The following SV2C variants were observed in gnomAD, a reference collection of about 807,000 sequenced individuals.
SV2C encodes the protein solute carrier family 22 member B3.
In SV2C, 49 loss-of-function variants were observed where a neutral mutation model predicts 79.7. That is an observed-to-expected ratio of 0.61 (90% CI 0.49 to 0.78). The LOEUF is 0.78. SV2C is among the 30% of genes least tolerant of loss of function. The probability of loss-of-function intolerance (pLI) is 0.00; values close to 1 mark genes in which losing one functional copy is unlikely to be tolerated. For synonymous variants in SV2C, 334 were observed against 333.2 expected, an observed-to-expected ratio of 1.00 and a Z score of -0.03; for missense variants, 833 against 912.9, an observed-to-expected ratio of 0.91 and a Z score of 1.13.
At chr5:76,251,123 A>C (rs1448983240) in intron 4 of SV2C, among the ~76,000 whole-genome samples, 1 of 152,162 alleles carries the variant, frequency 6.6e-6, no homozygotes, top group Admixed American at 6.5e-5. Context: ...TATGTCATGC[A>C]TTATTATTCA....
the SV2C span, among the ~76,000 whole-genome samples, chr5:75,873,810 A>G: frequency 6.6e-6 from 1 of 152,182 alleles, no homozygotes; most frequent in Non-Finnish European, 1.5e-5. Flanking sequence ...GAAGAAAGAG[A>G]CGGACAAATT....
intron 1 of SV2C, among the ~76,000 whole-genome samples, chr5:76,085,162 C>T (rs1202835707): frequency 2.0e-5 from 3 of 152,156 alleles, no homozygotes; most frequent in South Asian, 4.1e-4. Flanking sequence ...TGGCAAGTTC[C>T]GAAAGGCCTC....
At chr5:76,030,766 AAAAAAGAAAG>A in the SV2C span, among the ~76,000 whole-genome samples, 1 of 152,026 alleles carries the variant, frequency 6.6e-6, no homozygotes, top group Admixed American at 6.6e-5. Context: ...TGTCTCAAAA[AAAAAAGAAAG>A]AAAAAGAAAA....
At chr5:76,126,485 C>A (rs1423252540) in intron 1 of SV2C, among the ~76,000 whole-genome samples, 1 of 152,114 alleles carries the variant, frequency 6.6e-6, no homozygotes, top group Non-Finnish European at 1.5e-5. Flanking sequence ...CCTCTCAACC[C>A]CACCCCACTC....
chr5:76,017,040 T>A, the SV2C span, among the ~76,000 whole-genome samples: 1 of 152,234 alleles, frequency 6.6e-6, no homozygotes, highest in Non-Finnish European at 1.5e-5. Context: ...ATATTTTACT[T>A]GATTATAAAT....
At chr5:76,312,159 C>T (rs2972847) in intron 12 of SV2C, among the ~76,000 whole-genome samples, 14,126 of 151,458 alleles carry the variant, frequency 0.093, 712 homozygotes, top group Admixed American at 0.14. Context: ...CTTTATGTTT[C>T]TCTGCGTCCA....
intron 2 of SV2C, among the ~76,000 whole-genome samples, chr5:76,163,551 T>C (rs1742958934): frequency 6.6e-6 from 1 of 152,100 alleles, no homozygotes; most frequent in Non-Finnish European, 1.5e-5. Context: ...CCACCTGTAC[T>C]GGTGCCATGT....
intron 2 of SV2C, among the ~76,000 whole-genome samples, chr5:76,184,946 C>T (rs558067081): frequency 6.6e-6 from 1 of 152,160 alleles, no homozygotes; most frequent in African/African-American, 2.4e-5. Context: ...TGAGACAAGG[C>T]AAATCCCTTC....
intron 4 of SV2C, chr5:76,242,358 T>G (rs1745815582): frequency 7.9e-7 from 1 of 1,264,356 alleles, no homozygotes; most frequent in African/African-American, 1.5e-5. Context: ...GCGCGCGGGC[T>G]TTGGTCGGAC....
chr5:76,066,634 C>T, the SV2C span, among the ~76,000 whole-genome samples: 3 of 151,732 alleles, frequency 2.0e-5, no homozygotes, highest in Non-Finnish European at 4.4e-5. Flanking sequence ...AAAAAAGAAC[C>T]AGAATTCTGT....
chr5:76,193,584 C>T (rs979133872), intron 2 of SV2C, among the ~76,000 whole-genome samples: 3 of 152,154 alleles, frequency 2.0e-5, no homozygotes, highest in Non-Finnish European at 4.4e-5. Context: ...ATCAAAATAG[C>T]ATGTTTATAG....
chr5:76,293,708 T>G (rs1347474562), intron 8 of SV2C, among the ~76,000 whole-genome samples: 2 of 152,218 alleles, frequency 1.3e-5, no homozygotes, highest in Non-Finnish European at 2.9e-5. Context: ...GAGGCACAGA[T>G]GTTTTTGGAA....
At chr5:76,136,326 C>G (rs1195152498) in intron 2 of SV2C, among the ~76,000 whole-genome samples, 4 of 152,160 alleles carry the variant, frequency 2.6e-5, no homozygotes, top group Non-Finnish European at 1.5e-5. Context: ...TGGGAAGAAA[C>G]ATGAATGTTG....
the SV2C span, among the ~76,000 whole-genome samples, chr5:75,971,578 G>T: frequency 1.3e-5 from 2 of 152,158 alleles, no homozygotes; most frequent in Non-Finnish European, 2.9e-5. Flanking sequence ...ATTCACAATT[G>T]CTTCAAAGAG....
chr5:76,278,641 G>T (rs1001501851), intron 4 of SV2C, among the ~76,000 whole-genome samples: 3 of 152,252 alleles, frequency 2.0e-5, no homozygotes, highest in Non-Finnish European at 4.4e-5. Flanking sequence ...ATGGGATTAA[G>T]CTCTATGTTC....
the SV2C span, among the ~76,000 whole-genome samples, chr5:76,049,019 G>GAAAGAAAGAAAGAAAGAAAGAA: frequency 4.5e-5 from 4 of 89,306 alleles, no homozygotes; most frequent in African/African-American, 7.8e-5. Context: ...AAGAAAGAAA[G>GAAAGAAAGAAAGAAAGAAAGAA]AAAGAAAAAG....
intron 1 of SV2C, among the ~76,000 whole-genome samples, chr5:76,124,208 C>A (rs140444236): frequency 0.01 from 1,592 of 152,216 alleles, 12 homozygotes; most frequent in Middle Eastern, 0.017. Context: ...CATTCATCTC[C>A]ATCACTCTGT....
chr5:75,877,384 A>G, the SV2C span, among the ~76,000 whole-genome samples: 457 of 152,200 alleles, frequency 3.0e-3, no homozygotes, highest in Non-Finnish European at 5.1e-3. Flanking sequence ...ATAGAAGATC[A>G]GCATAAAACT....
chr5:76,220,617 T>TA (rs5868813), intron 4 of SV2C, among the ~76,000 whole-genome samples: 62,078 of 127,410 alleles, frequency 0.49, 15,503 homozygotes, highest in Admixed American at 0.58. Flanking sequence ...GACACTGTCT[T>TA]AAAAAAAAAA....
Sources: allele counts gnomAD v4.1 joint callset (sites outside exome capture counted in the v4.1 genomes callset), GRCh38; gene constraint gnomAD v4.1.1; transcripts MANE v1.5; gene names NCBI Gene and HGNC (gene_info 2026-07-23, HGNC 2026-07-21).